Variants in ARL15 observed in about 807,000 individuals in gnomAD.
ARL15 encodes the protein ARF like GTPase 15.
A neutral mutation model predicts 25.2 loss-of-function variants in ARL15; 19 were observed. That is an observed-to-expected ratio of 0.75 (90% CI 0.53 to 1.10). The LOEUF (loss-of-function observed/expected upper bound fraction) is 1.10. ARL15 is among the 50% of genes least tolerant of loss of function. The pLI is 0.00. For missense variants in ARL15, 220 were observed against 246.0 expected (o/e 0.89, Z 0.71); for synonymous variants, 94 against 86.8 (o/e 1.08, Z -0.46).
At chr5:54,232,036 C>T (rs1297630342) in intron 1 of ARL15, among the ~76,000 whole-genome samples, 1 of 152,148 alleles carries the variant, frequency 6.6e-6, no homozygotes, top group Non-Finnish European at 1.5e-5. Context: ...TCTCTAAATC[C>T]AAATCCTTGT....
At chr5:54,029,285 T>TAA (rs1749885212) in intron 4 of ARL15, among the ~76,000 whole-genome samples, 1 of 150,276 alleles carries the variant, frequency 6.7e-6, no homozygotes, top group Non-Finnish European at 1.5e-5. Flanking sequence ...GTCTGGAAAA[T>TAA]AGTTAATTTA....
chr5:54,059,049 G>A (rs929629171), intron 4 of ARL15, among the ~76,000 whole-genome samples: 8 of 152,146 alleles, frequency 5.3e-5, no homozygotes, highest in Non-Finnish European at 1.2e-4. Context: ...CAGTCTAAAA[G>A]CCACCTTCTC....
At chr5:54,036,306 T>A (rs80271064) in intron 4 of ARL15, among the ~76,000 whole-genome samples, 6,172 of 152,280 alleles carry the variant, frequency 0.041, 421 homozygotes, top group African/African-American at 0.14. Context: ...AAATTTCAAA[T>A]AAAATTTATC....
At chr5:54,111,805 T>C (rs1307102436) in intron 4 of ARL15, among the ~76,000 whole-genome samples, 2 of 152,072 alleles carry the variant, frequency 1.3e-5, no homozygotes, top group Non-Finnish European at 2.9e-5. Flanking sequence ...AACGACCTTA[T>C]AATCATAAAC....
intron 4 of ARL15, among the ~76,000 whole-genome samples, chr5:54,003,662 T>A (rs3842042): frequency 0.055 from 7,617 of 138,428 alleles, 295 homozygotes; most frequent in Middle Eastern, 0.094. Context: ...AATATTTTCT[T>A]TCTATCTATC....
chr5:54,101,172 G>A (rs767890038), intron 4 of ARL15, among the ~76,000 whole-genome samples: 57 of 151,848 alleles, frequency 3.8e-4, no homozygotes, highest in Non-Finnish European at 6.9e-4. Flanking sequence ...AAATAATTGT[G>A]GTGAAAGTAA....
chr5:54,031,821 A>G (rs1749995437), intron 4 of ARL15, among the ~76,000 whole-genome samples: 3 of 152,076 alleles, frequency 2.0e-5, no homozygotes, highest in Admixed American at 6.5e-5. Context: ...TCCTTCCACA[A>G]TCCCCAACAC....
chr5:54,038,455 G>A (rs1238223308), intron 4 of ARL15, among the ~76,000 whole-genome samples: 2 of 151,884 alleles, frequency 1.3e-5, no homozygotes, highest in Non-Finnish European at 2.9e-5. Flanking sequence ...ATCCCAAACA[G>A]AGGCATTCCA....
chr5:54,281,088 T>TA lies in ARL15; in HGVS notation c.48+29343dup, dbSNP rs368066597. 4.1e-4 allele frequency among the ~76,000 whole-genome samples: 62 copies of TA among 152,148 alleles called. 1 individual carries two copies. The highest frequency in any genetic ancestry group is 1.3e-3 in the African/African-American group (52 of 41,528). On this transcript the variant is annotated intron_variant, in intron 1 of 4. Transcript: ENST00000504924. ...TAAATATGTAGTTTAAAGAATAACA[T>TA]AAAAAAACACTGTGCGCTCACCATT...
intron 3 of ARL15, chr5:54,154,356 C>A (rs1754156942): frequency 1.5e-5 from 6 of 401,686 alleles, no homozygotes; most frequent in Admixed American, 4.7e-5. Flanking sequence ...TAGTGTAATT[C>A]TTTGATTCAT....
chr5:54,255,497 A>G (rs1757340104), intron 1 of ARL15, among the ~76,000 whole-genome samples: 2 of 152,338 alleles, frequency 1.3e-5, no homozygotes, highest in South Asian at 4.1e-4. Flanking sequence ...CCTTTAAATT[A>G]TAACATCTAG....
chr5:53,893,620 C>T (rs916077372), intron 4 of ARL15, among the ~76,000 whole-genome samples: 1 of 152,054 alleles, frequency 6.6e-6, no homozygotes, highest in Non-Finnish European at 1.5e-5. Flanking sequence ...AACAAACAAA[C>T]AAACAAACAA....
At chr5:54,234,561 T>C (rs1756753085) in intron 1 of ARL15, among the ~76,000 whole-genome samples, 1 of 152,162 alleles carries the variant, frequency 6.6e-6, no homozygotes, top group East Asian at 1.9e-4. Context: ...AAGGCCACTA[T>C]TTTAATAATG....
At chr5:53,943,108 G>A (rs1746599017) in intron 4 of ARL15, among the ~76,000 whole-genome samples, 1 of 152,166 alleles carries the variant, frequency 6.6e-6, no homozygotes, top group South Asian at 2.1e-4. Flanking sequence ...GGGCTGGTCA[G>A]TGGGGAGTGG....
rs563218108 is a variant in ARL15, at chr5:54,028,075, C to A, written c.462+85127G>T. On this transcript the variant is annotated intron_variant, in intron 4 of 4. Transcript: ENST00000504924. Reference sequence around the variant, plus strand: ...AGGTGGGATTACAGGCACCCGCCACCACGCCCGGCTAATTTTTTTGTATTT... The same window carrying A: ...AGGTGGGATTACAGGCACCCGCCACAACGCCCGGCTAATTTTTTTGTATTT... Among the ~76,000 whole-genome samples the A allele has an allele frequency of 3.2e-3, 486 of 152,062 alleles. 6 individuals carry two copies. The highest frequency in any genetic ancestry group is 0.011 in the African/African-American group (470 of 41,482).
At chr5:54,028,245 AATGATAACTT>A (rs1029655077) in intron 4 of ARL15, among the ~76,000 whole-genome samples, 2 of 152,170 alleles carry the variant, frequency 1.3e-5, no homozygotes, top group African/African-American at 4.8e-5. Context: ...TTGGGGTAGC[AATGATAACTT>A]ATATAAATGA....
At chr5:54,065,756 A>C (rs1444400184) in intron 4 of ARL15, among the ~76,000 whole-genome samples, 1 of 152,228 alleles carries the variant, frequency 6.6e-6, no homozygotes, top group Non-Finnish European at 1.5e-5. Context: ...TAAAATGTAC[A>C]TTACATTTCA....
intron 3 of ARL15, among the ~76,000 whole-genome samples, chr5:54,137,093 AGTAAT>A (rs1753629236): frequency 6.6e-6 from 1 of 151,482 alleles, no homozygotes; most frequent in Non-Finnish European, 1.5e-5. Context: ...AGCAAGGCAT[AGTAAT>A]GTTCAAACAG....
chr5:53,926,571 T>C (rs1421851903), intron 4 of ARL15, among the ~76,000 whole-genome samples: 1 of 152,034 alleles, frequency 6.6e-6, no homozygotes, highest in African/African-American at 2.4e-5. Flanking sequence ...GGCAATGCAG[T>C]TGACAGGAGA....
Sources: allele counts gnomAD v4.1 joint callset (sites outside exome capture counted in the v4.1 genomes callset), GRCh38; gene constraint gnomAD v4.1.1; transcripts MANE v1.5; gene names NCBI Gene and HGNC (gene_info 2026-07-23, HGNC 2026-07-21).